The following GPR149 variants were observed in gnomAD, a reference collection of about 807,000 sequenced individuals.
GPR149 encodes the protein probable G protein-coupled receptor 149.
Under a neutral mutation model 50.2 loss-of-function variants are expected in GPR149, and 50 were observed. The ratio of observed to expected loss-of-function variants is 1.00; its 90% CI spans 0.79 to 1.26. The LOEUF is 1.26. Ranked by LOEUF, GPR149 falls within the 50% of genes most tolerant of loss-of-function variation. GPR149 has a pLI of 0.00. For synonymous variants in GPR149, 405 were observed against 358.2 expected (o/e 1.13, Z -1.48); for missense variants, 983 against 895.4 (o/e 1.10, Z -1.25).
chr3:154,337,583 A>T lies in GPR149; in HGVS notation c.*116T>A. ...GTTCCCACAAAAAAATTAACTATTA[A>T]ATCAGTAAAACTAATGTAAGCCAAC... On this transcript the variant is annotated 3_prime_UTR_variant, in exon 4 of 4. Coordinates refer to ENST00000389740, the MANE Select transcript of GPR149 (RefSeq NM_001038705.3). The T allele has an allele frequency of 1.2e-6, 1 of 839,062 alleles. No individual in the cohort carries two copies. The highest frequency in any genetic ancestry group is 2.5e-5 in the East Asian group (1 of 40,622). The allele number at this position is 839,062 out of a possible 1,614,324, so 52.0% of individuals were successfully genotyped here. A position where few individuals can be genotyped will look rare whatever the true frequency, so the allele number is the denominator to read the frequency against.
intron 3 of GPR149, among the ~76,000 whole-genome samples, chr3:154,378,152 G>T (rs1432930557): frequency 7.8e-6 from 1 of 127,644 alleles, no homozygotes; most frequent in African/African-American, 2.9e-5. Flanking sequence ...GCATGATTTT[G>T]TCTCACTGCA....
chr3:154,417,216 CA>C (rs1376166151), intron 3 of GPR149, among the ~76,000 whole-genome samples: 1 of 151,900 alleles, frequency 6.6e-6, no homozygotes, highest in Non-Finnish European at 1.5e-5. Context: ...TCTGAACTTT[CA>C]AAATGGTAAA....
intron 3 of GPR149, among the ~76,000 whole-genome samples, chr3:154,373,004 G>A (rs1714702446): frequency 6.6e-6 from 1 of 152,130 alleles, no homozygotes; most frequent in Admixed American, 6.6e-5. Flanking sequence ...AGGAGATTGG[G>A]TCTAGGGCAT....
intron 3 of GPR149, among the ~76,000 whole-genome samples, chr3:154,371,400 C>T (rs1714660558): frequency 6.6e-6 from 1 of 152,132 alleles, no homozygotes; most frequent in Non-Finnish European, 1.5e-5. Flanking sequence ...TACAAAGTCT[C>T]CTTATACCCC....
intron 3 of GPR149, among the ~76,000 whole-genome samples, chr3:154,398,220 G>A (rs998491574): frequency 6.6e-6 from 1 of 152,172 alleles, no homozygotes; most frequent in African/African-American, 2.4e-5. Context: ...TCTAGAAAGA[G>A]GGTGAAATTA....
intron 3 of GPR149, among the ~76,000 whole-genome samples, chr3:154,343,483 A>T (rs1032403936): frequency 6.6e-6 from 1 of 152,150 alleles, no homozygotes; most frequent in East Asian, 1.9e-4. Flanking sequence ...TGTGTTGCTG[A>T]TGCTGGATGC....
At chr3:154,386,455 C>T (rs1162909612) in intron 3 of GPR149, among the ~76,000 whole-genome samples, 1 of 152,192 alleles carries the variant, frequency 6.6e-6, no homozygotes. Flanking sequence ...GGCACTGTCT[C>T]ATAGTGTGAC....
rs1026229422 is a variant in GPR149 at position 154,336,159 on chromosome 3, T to C, written c.*1540A>G. On this transcript the variant is annotated 3_prime_UTR_variant, in exon 4 of 4. Transcript: ENST00000389740. ...CTTGCTTTACAAACATTATTAGTGGTAATACATATGTTTCCCAAATTTAGA... is the reference window on the plus strand; with the variant it reads ...CTTGCTTTACAAACATTATTAGTGGCAATACATATGTTTCCCAAATTTAGA... 3 of 152,102 alleles carry C rather than the reference T, an allele frequency of 2.0e-5. No individual in the cohort carries two copies. The highest frequency in any genetic ancestry group is 2.9e-5 in the Non-Finnish European group (2 of 67,938). 9.4% of individuals were successfully genotyped at this position (152,102 alleles called of 1,614,324 possible).
At chr3:154,358,597 C>A (rs529983440) in intron 3 of GPR149, among the ~76,000 whole-genome samples, 1 of 152,220 alleles carries the variant, frequency 6.6e-6, no homozygotes, top group Admixed American at 6.5e-5. Flanking sequence ...ATCAAAGCCA[C>A]TACGCAGCCT....
At chr3:154,350,849 A>G (rs1216748570) in intron 3 of GPR149, among the ~76,000 whole-genome samples, 4 of 152,162 alleles carry the variant, frequency 2.6e-5, no homozygotes, top group Admixed American at 2.0e-4. Flanking sequence ...ATGGCATAGT[A>G]TGTGTATATA....
At chr3:154,340,782 C>T (rs150500124) in intron 3 of GPR149, among the ~76,000 whole-genome samples, 5 of 152,206 alleles carry the variant, frequency 3.3e-5, no homozygotes, top group East Asian at 1.9e-4. Flanking sequence ...AGCGCAATGG[C>T]GCCGTCTCGG....
intron 3 of GPR149, among the ~76,000 whole-genome samples, chr3:154,356,221 C>T (rs957134386): frequency 4.7e-4 from 71 of 152,124 alleles, no homozygotes; most frequent in African/African-American, 1.5e-3. Flanking sequence ...TCCATTTTCA[C>T]GCTGCTATGA....
chr3:154,367,401 T>C (rs1714555997), intron 3 of GPR149, among the ~76,000 whole-genome samples: 1 of 151,942 alleles, frequency 6.6e-6, no homozygotes, highest in Non-Finnish European at 1.5e-5. Flanking sequence ...ACCTTATCTA[T>C]GCTTCCAATT....
At chr3:154,374,930 A>G (rs191006295) in intron 3 of GPR149, among the ~76,000 whole-genome samples, 13 of 152,326 alleles carry the variant, frequency 8.5e-5, no homozygotes, top group Admixed American at 7.2e-4. Flanking sequence ...CTAGCCTTCC[A>G]AGCTATATAA....
chr3:154,380,489 G>A (rs1274331407), intron 3 of GPR149, among the ~76,000 whole-genome samples: 4 of 151,982 alleles, frequency 2.6e-5, no homozygotes, highest in African/African-American at 9.7e-5. Flanking sequence ...ATTTTGCAAC[G>A]GAACTGCCTC....
At position 154,421,202 on chromosome 3, in the gene GPR149, T is replaced by C. The variant is rs1712132931; in HGVS notation, c.1460A>G (p.Asn487Ser). The C allele has an allele frequency of 1.2e-6, 2 of 1,613,568 alleles. No individual in the cohort carries two copies. Among genetic ancestry groups the C allele is most frequent in the African/African-American group, 1.3e-5 (1 of 74,996 alleles). ...DITEAKQDSN[N>S]KKDAFSDKTG... ...TTTGTCAGAAAACGCATCCTTTTTGTTGTTGGAATCCTGTTTAGCTTCTGT... is the reference window on the plus strand; with the variant it reads ...TTTGTCAGAAAACGCATCCTTTTTGCTGTTGGAATCCTGTTTAGCTTCTGT... Residue 487 changes from asparagine (N) to serine (S), a missense_variant, in exon 3 of 4, where the codon AAC (asparagine) becomes AGC (serine). Asn to Ser is a conservative substitution (Grantham distance 46). Transcript: ENST00000389740.
intron 3 of GPR149, chr3:154,354,207 C>A: frequency 2.0e-6 from 1 of 494,600 alleles, no homozygotes; most frequent in Non-Finnish European, 3.9e-6. Context: ...GATTTCTCAT[C>A]TGGGTCATAA....
At chr3:154,357,130 T>C (rs1407932289) in intron 3 of GPR149, among the ~76,000 whole-genome samples, 1 of 152,194 alleles carries the variant, frequency 6.6e-6, no homozygotes. Flanking sequence ...GCTAGCCCTA[T>C]GTAGAAAGCT....
chr3:154,392,031 T>C (rs926467045), intron 3 of GPR149, among the ~76,000 whole-genome samples: 29 of 126,274 alleles, frequency 2.3e-4, no homozygotes, highest in Admixed American at 1.1e-3. Context: ...AAATGTAACA[T>C]AACTGATAAA....
Sources: allele counts gnomAD v4.1 joint callset (sites outside exome capture counted in the v4.1 genomes callset), GRCh38; gene constraint gnomAD v4.1.1; transcripts MANE v1.5; gene names NCBI Gene and HGNC (gene_info 2026-07-23, HGNC 2026-07-21).